NUDCD3: variants seen among roughly 807,000 people sequenced by gnomAD.
NUDCD3 encodes the protein NudC domain containing 3, also known as nudC domain-containing protein 3.
A neutral mutation model predicts 39.7 loss-of-function variants in NUDCD3; 13 were observed. That is an observed-to-expected ratio of 0.33 (90% CI 0.21 to 0.52). The LOEUF (loss-of-function observed/expected upper bound fraction) is 0.52, where lower values mean the gene tolerates loss of function less well. NUDCD3 is among the 20% of genes least tolerant of loss of function. The pLI is 0.96. For synonymous variants in NUDCD3, 175 were observed against 172.4 expected (o/e 1.02, Z -0.12); for missense variants, 453 against 458.1 (o/e 0.99, Z 0.10).
Position 44,485,093 on chromosome 7 carries a change from C to T in NUDCD3, c.384G>A (p.Gln128=). The T allele has an allele frequency of 1.2e-6, 2 of 1,614,196 alleles. No individual in the cohort carries two copies. Among genetic ancestry groups the T allele is most frequent in the Non-Finnish European group, 1.7e-6 (2 of 1,180,032 alleles). Residue 128 remains glutamine, a synonymous_variant, in exon 2 of 6, where the codon CAG becomes CAA. Coordinates refer to ENST00000355451, the MANE Select transcript of NUDCD3 (RefSeq NM_015332.4). ...IDSTTELDGH[Q]EVEKVQPPGP... ...CTGGAGGCTGCACTTTCTCTACTTC[C>T]TGATGCCCATCCAATTCTGTGGTGG...
chr7:44,433,262 A>T (rs545273554), intron 2 of NUDCD3, among the ~76,000 whole-genome samples: 1 of 151,704 alleles, frequency 6.6e-6, no homozygotes, highest in African/African-American at 2.4e-5. Flanking sequence ...CTAGGCCAAC[A>T]TGTGTGTGTG....
chr7:44,431,243 A>C (rs1402228629), intron 2 of NUDCD3, among the ~76,000 whole-genome samples: 1 of 152,150 alleles, frequency 6.6e-6, no homozygotes, highest in Non-Finnish European at 1.5e-5. Flanking sequence ...ATGCTTCAGC[A>C]CCAAGGGTGG....
At chr7:44,446,638 G>A (rs982788058) in intron 2 of NUDCD3, among the ~76,000 whole-genome samples, 5 of 152,172 alleles carry the variant, frequency 3.3e-5, no homozygotes, top group Non-Finnish European at 5.9e-5. Context: ...CAATGCCCAG[G>A]GTGTGACCAT....
At chr7:44,401,615 G>A (rs1343308162) in intron 4 of NUDCD3, among the ~76,000 whole-genome samples, 2 of 152,212 alleles carry the variant, frequency 1.3e-5, no homozygotes, top group East Asian at 1.9e-4. Flanking sequence ...AAGGAACCAT[G>A]GGAAAGAACT....
chr7:44,436,566 T>C (rs892466233), intron 2 of NUDCD3, among the ~76,000 whole-genome samples: 2 of 152,174 alleles, frequency 1.3e-5, no homozygotes, highest in Non-Finnish European at 2.9e-5. Context: ...GCTACAGAAC[T>C]ACAGGATCCA....
At chr7:44,386,350 T>G (rs998977040) in intron 5 of NUDCD3, among the ~76,000 whole-genome samples, 3 of 152,214 alleles carry the variant, frequency 2.0e-5, no homozygotes, top group African/African-American at 7.2e-5. Context: ...AGACTGAATT[T>G]CTAACCCTCC....
intron 2 of NUDCD3, chr7:44,468,349 CAAA>C (rs77181470): frequency 0.023 from 8,759 of 374,700 alleles, 5 homozygotes; most frequent in Non-Finnish European, 0.027. Context: ...GTAAAAACTG[CAAA>C]AAAAAAAAAA....
chr7:44,419,967 A>T (rs1799107425), intron 3 of NUDCD3, among the ~76,000 whole-genome samples: 1 of 152,178 alleles, frequency 6.6e-6, no homozygotes, highest in Non-Finnish European at 1.5e-5. Flanking sequence ...ACTCCTCTCC[A>T]GCAAGGGCAC....
At chr7:44,464,386 G>C (rs984738357) in intron 2 of NUDCD3, among the ~76,000 whole-genome samples, 4 of 151,976 alleles carry the variant, frequency 2.6e-5, no homozygotes, top group Non-Finnish European at 4.4e-5. Flanking sequence ...CTCTGGGTTA[G>C]AACACAATAT....
chr7:44,403,746 T>C (rs1798765140), intron 4 of NUDCD3, among the ~76,000 whole-genome samples: 1 of 152,272 alleles, frequency 6.6e-6, no homozygotes. Context: ...TAAAGACTTT[T>C]GTCCAGACAT....
chr7:44,436,173 G>T (rs370437935), intron 2 of NUDCD3, among the ~76,000 whole-genome samples: 10 of 152,102 alleles, frequency 6.6e-5, no homozygotes, highest in African/African-American at 2.4e-4. Flanking sequence ...TGATTTTAAG[G>T]AATTACAAAT....
chr7:44,428,123 TAAAAAAAAAAAAAA>T (rs55642004), intron 2 of NUDCD3, among the ~76,000 whole-genome samples: 5 of 76,108 alleles, frequency 6.6e-5, no homozygotes, highest in East Asian at 7.0e-4. Flanking sequence ...GGTCAATCTT[TAAAAAAAAAAAAAA>T]AAAAAAAAAA....
At chr7:44,449,381 T>C (rs1735174584) in intron 2 of NUDCD3, among the ~76,000 whole-genome samples, 1 of 152,190 alleles carries the variant, frequency 6.6e-6, no homozygotes, top group Admixed American at 6.5e-5. Flanking sequence ...AAGTTGTCCA[T>C]AGCTTGTGAG....
chr7:44,441,342 T>C (rs975386221), intron 2 of NUDCD3, among the ~76,000 whole-genome samples: 2 of 152,226 alleles, frequency 1.3e-5, no homozygotes, highest in African/African-American at 4.8e-5. Flanking sequence ...ACTACTTTGA[T>C]ATGACTAGTG....
At chr7:44,436,095 T>C (rs1031188306) in intron 2 of NUDCD3, among the ~76,000 whole-genome samples, 3 of 152,156 alleles carry the variant, frequency 2.0e-5, no homozygotes, top group African/African-American at 4.8e-5. Context: ...TTTGCTGGGA[T>C]GCTAATTTGA....
chr7:44,485,820 T>C (rs1390016531), intron 1 of NUDCD3, among the ~76,000 whole-genome samples: 3 of 152,232 alleles, frequency 2.0e-5, no homozygotes, highest in African/African-American at 4.8e-5. Context: ...AACATCAAAA[T>C]GATTTCTGCT....
chr7:44,429,319 G>A (rs1179693692), intron 2 of NUDCD3, among the ~76,000 whole-genome samples: 2 of 152,184 alleles, frequency 1.3e-5, no homozygotes, highest in South Asian at 4.1e-4. Flanking sequence ...GGTCATTAGG[G>A]TGGGCCCTAA....
intron 1 of NUDCD3, among the ~76,000 whole-genome samples, chr7:44,486,924 G>GA (rs1178904501): frequency 1.3e-5 from 2 of 152,152 alleles, no homozygotes; most frequent in Non-Finnish European, 2.9e-5. Flanking sequence ...CATAGGGCTG[G>GA]AAGAGAACTC....
chr7:44,423,222 A>G (rs1456005812), intron 3 of NUDCD3, among the ~76,000 whole-genome samples: 1 of 152,210 alleles, frequency 6.6e-6, no homozygotes. Context: ...CTGCCTTTGA[A>G]AAGCGGCACA....
Sources: gnomAD v4.1 joint callset for allele counts (sites outside exome capture counted in the v4.1 genomes callset) on GRCh38, gnomAD v4.1.1 for gene constraint, MANE v1.5 for transcripts, NCBI Gene and HGNC (gene_info 2026-07-23, HGNC 2026-07-21) for gene names.